Variants in TENM2 observed in about 807,000 individuals in gnomAD.
TENM2 encodes the protein teneurin-2.
Under a neutral mutation model 245.2 loss-of-function variants are expected in TENM2, and 52 were observed. The observed-to-expected ratio is 0.21, with a 90% CI of 0.17 to 0.27. The LOEUF (loss-of-function observed/expected upper bound fraction) is 0.27. Among genes scored for constraint, TENM2 ranks in the 10% least tolerant of loss-of-function variants. TENM2 has a pLI of 1.00. For synonymous variants in TENM2, 1,363 were observed against 1,438.9 expected (o/e 0.95, Z 1.19); for missense variants, 3,046 against 3,666.8 (o/e 0.83, Z 4.37).
chr5:167,571,424 C>CA (rs1337942938), intron 2 of TENM2, among the ~76,000 whole-genome samples: 1 of 152,120 alleles, frequency 6.6e-6, no homozygotes, highest in African/African-American at 2.4e-5. Flanking sequence ...AAAGCTCTCC[C>CA]ACAGAGAAAT....
the TENM2 span, among the ~76,000 whole-genome samples, chr5:167,271,629 C>T: frequency 2.0e-5 from 3 of 152,064 alleles, no homozygotes; most frequent in Admixed American, 6.6e-5. Context: ...ACTGCTAGTA[C>T]GTAAAAAATG....
At chr5:168,016,151 C>G (rs1001677279) in intron 5 of TENM2, among the ~76,000 whole-genome samples, 3 of 152,190 alleles carry the variant, frequency 2.0e-5, no homozygotes, top group African/African-American at 7.2e-5. Context: ...ACATTTAACC[C>G]TCACAACAAC....
At chr5:168,220,210 C>CA (rs1763555594) in intron 23 of TENM2, among the ~76,000 whole-genome samples, 1 of 152,182 alleles carries the variant, frequency 6.6e-6, no homozygotes, top group African/African-American at 2.4e-5. Flanking sequence ...CTCACCCAAA[C>CA]ACCTCCGAGA....
intron 4 of TENM2, among the ~76,000 whole-genome samples, chr5:167,973,160 T>C (rs1488747178): frequency 1.3e-5 from 2 of 152,224 alleles, no homozygotes; most frequent in East Asian, 1.9e-4. Flanking sequence ...GGTATGATTG[T>C]TTAACTATTA....
At chr5:166,994,153 T>C in the TENM2 span, among the ~76,000 whole-genome samples, 116 of 152,332 alleles carry the variant, frequency 7.6e-4, no homozygotes, top group East Asian at 0.012. Context: ...CATTTATCAC[T>C]CGCTTCCAGA....
intron 3 of TENM2, among the ~76,000 whole-genome samples, chr5:167,893,353 G>A (rs565968372): frequency 1.2e-4 from 18 of 152,268 alleles, no homozygotes; most frequent in African/African-American, 1.7e-4. Flanking sequence ...GCAAATCAGC[G>A]TCAGACAAGT....
chr5:166,982,715 C>G, the TENM2 span, among the ~76,000 whole-genome samples: 1 of 152,004 alleles, frequency 6.6e-6, no homozygotes, highest in South Asian at 2.1e-4. Flanking sequence ...AGAAACCCCC[C>G]ATTCTGCACT....
intron 26 of TENM2, among the ~76,000 whole-genome samples, chr5:168,245,091 C>T (rs944703159): frequency 6.6e-6 from 1 of 151,826 alleles, no homozygotes; most frequent in Non-Finnish European, 1.5e-5. Flanking sequence ...TGTAAGCTAG[C>T]CTGATATGTT....
At chr5:167,831,209 A>G (rs1428860369) in intron 2 of TENM2, among the ~76,000 whole-genome samples, 1 of 152,132 alleles carries the variant, frequency 6.6e-6, no homozygotes, top group African/African-American at 2.4e-5. Flanking sequence ...TTTGAATTGT[A>G]TACATTCTTG....
At chr5:167,371,168 T>A (rs1220153594) in intron 1 of TENM2, among the ~76,000 whole-genome samples, 1 of 152,042 alleles carries the variant, frequency 6.6e-6, no homozygotes, top group Non-Finnish European at 1.5e-5. Flanking sequence ...TAGGTATGTG[T>A]GATAGCTTCT....
chr5:167,624,287 A>G (rs562463631), intron 2 of TENM2, among the ~76,000 whole-genome samples: 3 of 152,300 alleles, frequency 2.0e-5, no homozygotes, highest in South Asian at 4.1e-4. Flanking sequence ...ATGCAGCTGC[A>G]GATCATTATT....
At chr5:167,856,877 G>C (rs927007652) in intron 2 of TENM2, among the ~76,000 whole-genome samples, 1 of 152,200 alleles carries the variant, frequency 6.6e-6, no homozygotes, top group African/African-American at 2.4e-5. Context: ...TTGCAAGGGT[G>C]CTGATTCTGA....
intron 5 of TENM2, among the ~76,000 whole-genome samples, chr5:168,021,503 T>G (rs1786140360): frequency 1.3e-5 from 2 of 152,364 alleles, no homozygotes; most frequent in South Asian, 4.1e-4. Flanking sequence ...CTTGCGTGTT[T>G]GGAGTTTTTG....
chr5:167,425,547 T>C (rs1437699952), intron 2 of TENM2, among the ~76,000 whole-genome samples: 3 of 152,230 alleles, frequency 2.0e-5, no homozygotes, highest in Non-Finnish European at 4.4e-5. Context: ...ATATTTGATA[T>C]GCATTCTTGT....
chr5:167,486,560 C>T (rs897541158), intron 2 of TENM2, among the ~76,000 whole-genome samples: 6 of 152,084 alleles, frequency 3.9e-5, no homozygotes, highest in African/African-American at 1.2e-4. Context: ...AATCTCCTGA[C>T]CTTGTGATCT....
chr5:167,413,033 A>T (rs2127408043), intron 2 of TENM2, among the ~76,000 whole-genome samples: 1 of 152,228 alleles, frequency 6.6e-6, no homozygotes, highest in African/African-American at 2.4e-5. Flanking sequence ...CTATATCTTC[A>T]TTTAATTCAG....
chr5:168,189,243 A>G (rs1760738822), intron 13 of TENM2, among the ~76,000 whole-genome samples: 1 of 152,236 alleles, frequency 6.6e-6, no homozygotes, highest in African/African-American at 2.4e-5. Flanking sequence ...GAAGGATCAC[A>G]GACATTCAGT....
the TENM2 span, among the ~76,000 whole-genome samples, chr5:167,034,145 C>G: frequency 2.0e-5 from 3 of 152,142 alleles, no homozygotes; most frequent in African/African-American, 7.2e-5. Context: ...TTGCCTACAA[C>G]TAAGACTAGC....
rs111922360 is a variant in TENM2 at position 167,346,843 on chromosome 5, G to A, written c.227-28355G>A. ...GGCTGGAGTGCAGTGGCATGATCAC[G>A]GCTTTCTGCAGCCTTGACCTCCTGG... On this transcript the variant is annotated intron_variant, in intron 1 of 28. Coordinates refer to ENST00000518659, the Ensembl canonical transcript of TENM2. Among the ~76,000 whole-genome samples the A allele has an allele frequency of 3.9e-4, 59 of 152,036 alleles. 1 individual carries two copies. Among genetic ancestry groups the A allele is most frequent in the African/African-American group, 1.4e-3 (56 of 41,468 alleles).
Sources: allele counts gnomAD v4.1 joint callset (sites outside exome capture counted in the v4.1 genomes callset), GRCh38; gene constraint gnomAD v4.1.1; transcripts MANE v1.5; gene names NCBI Gene and HGNC (gene_info 2026-07-23, HGNC 2026-07-21).